TAPBP: variants seen among roughly 807,000 people sequenced by gnomAD.
TAPBP encodes TAP binding protein, also known as tapasin.
In TAPBP, 38 loss-of-function variants were observed where a neutral mutation model predicts 45.7. The observed-to-expected ratio is 0.83, with a 90% CI of 0.64 to 1.09. TAPBP has a LOEUF of 1.09. Among genes scored for constraint, TAPBP ranks in the 50% least tolerant of loss-of-function variants. TAPBP has a pLI of 0.00. For missense variants in TAPBP, 513 were observed against 587.3 expected, an observed-to-expected ratio of 0.87 and a Z score of 1.31; for synonymous variants, 226 against 254.8, an observed-to-expected ratio of 0.89 and a Z score of 1.08.
In TAPBP at chr6:33,313,695, G is replaced by T. The variant is rs1312830938; in HGVS notation, c.207C>A (p.His69Gln). The T allele has an allele frequency of 1.2e-6, 2 of 1,612,188 alleles. No homozygotes were observed. The highest frequency in any genetic ancestry group is 1.3e-5 in the African/African-American group (1 of 74,906). ...GGCGGCGAGTCCCTAGAGACTCACCGTGTACACTGAGATAGAGCTCAGGGT... is the reference window on the plus strand; with the variant it reads ...GGCGGCGAGTCCCTAGAGACTCACCTTGTACACTGAGATAGAGCTCAGGGT... ...DLDPELYLSV[H>Q]DPAGALQAAF... Residue 69 changes from histidine to glutamine, a missense_variant and splice_region_variant, in exon 2 of 8, where the codon CAC becomes CAA. Transcript: ENST00000434618. This position sits in a 1 kb window ranked among gnomAD's most constrained non-coding sequence, Gnocchi z 7.2.
chr6:33,308,593 C>T (rs986789632), intron 3 of TAPBP, among the ~76,000 whole-genome samples: 1 of 152,172 alleles, frequency 6.6e-6, no homozygotes, highest in Non-Finnish European at 1.5e-5. Flanking sequence ...CTTCAGTTTA[C>T]ATTGTCTTTC....
rs889944229 is a variant in TAPBP, at chr6:33,301,608, T to A, written c.*152A>T. On this transcript the variant is annotated 3_prime_UTR_variant, in exon 8 of 8. Coordinates refer to ENST00000434618, the MANE Select transcript of TAPBP (RefSeq NM_003190.5). ...AAAAAAAGAAAAATTATCCCTTATA[T>A]AAGTGAAAGAAAAAAAAAAAAGCAT... 19 of 662,332 alleles carry A rather than the reference T, an allele frequency of 2.9e-5. No homozygotes were observed. Among genetic ancestry groups the A allele is most frequent in the African/African-American group, 1.9e-5 (1 of 51,346 alleles). 41.0% of individuals were successfully genotyped at this position (662,332 alleles called of 1,614,324 possible). A position where few individuals can be genotyped will look rare whatever the true frequency, so the allele number is the denominator to read the frequency against.
chr6:33,313,738 G>A lies in TAPBP; in HGVS notation c.164C>T (p.Pro55Leu). ...CTCAGGGTCGAGGTCCGGCCGGGGC[G>A]GCGGTTCCCCCGGTCCCTGGCGCAA... is the stretch of plus-strand genomic sequence containing the variant. The part of the protein sequence containing the change: ...LLLRQGPGEP[P>L]PRPDLDPELY... Residue 55 changes from proline to leucine, a missense_variant, in exon 2 of 8, where the codon CCG (proline) becomes CTG (leucine). Coordinates refer to ENST00000434618, the MANE Select transcript of TAPBP (RefSeq NM_003190.5). The surrounding 1 kb of genome is among the most constrained non-coding windows in gnomAD (Gnocchi z 7.2). 6.2e-7 allele frequency: 1 copy of A among 1,613,592 alleles called. No individual in the cohort carries two copies. The highest frequency in any genetic ancestry group is 8.5e-7 in the Non-Finnish European group (1 of 1,179,992).
intron 5 of TAPBP, 30 bp downstream of exon 5, chr6:33,304,267 C>T (rs1768787800): frequency 3.1e-6 from 5 of 1,605,952 alleles, no homozygotes; most frequent in Non-Finnish European, 4.3e-6. Context: ...TGGGTGCTGG[C>T]TCAGATTCCG....
chr6:33,302,488 C>A (rs1768658854), intron 7 of TAPBP, among the ~76,000 whole-genome samples: 1 of 151,518 alleles, frequency 6.6e-6, no homozygotes, highest in African/African-American at 2.4e-5. Context: ...CCATGCCCGG[C>A]TAATTTTTCT....
intron 3 of TAPBP, among the ~76,000 whole-genome samples, chr6:33,306,810 C>T (rs982927586): frequency 2.0e-5 from 3 of 152,062 alleles, no homozygotes; most frequent in African/African-American, 7.2e-5. Flanking sequence ...GAAACCCCGT[C>T]TCTACTAAAA....
chr6:33,302,965 A>G (rs1209127153), intron 7 of TAPBP, among the ~76,000 whole-genome samples: 1 of 152,152 alleles, frequency 6.6e-6, no homozygotes, highest in Non-Finnish European at 1.5e-5. Flanking sequence ...TATTGTTTAC[A>G]TGTTGCAATA....
Position 33,313,335 on chromosome 6 carries a change from C to A in TAPBP, c.351G>T (p.Arg117=). ...CCATCAGCCAAGCCCCATCCAGGGC[C>A]CGCGGGCAGTTCTGCGCGGGGGTCA... ...SGLTPAQNCP[R]ALDGAWLMVS... Residue 117 remains arginine, a synonymous_variant, in exon 3 of 8, where the codon CGG becomes CGT. Coordinates refer to ENST00000434618, the MANE Select transcript of TAPBP (RefSeq NM_003190.5). The surrounding 1 kb of genome is among the most constrained non-coding windows in gnomAD (Gnocchi z 7.2). The A allele has an allele frequency of 6.2e-7, 1 of 1,613,478 alleles. No homozygotes were observed. Among genetic ancestry groups the A allele is most frequent in the Non-Finnish European group, 8.5e-7 (1 of 1,179,954 alleles).
intron 3 of TAPBP, among the ~76,000 whole-genome samples, chr6:33,310,683 G>A (rs911686012): frequency 2.3e-4 from 35 of 151,904 alleles, no homozygotes; most frequent in Admixed American, 2.3e-3. Context: ...GCTGGGCATG[G>A]TGGCACATGC....
rs1216028007 is a variant in TAPBP, at chr6:33,313,767, C to T, written c.135G>A (p.Leu45=). The T allele has an allele frequency of 1.8e-5, 29 of 1,613,638 alleles. No homozygotes were observed. The highest frequency in any genetic ancestry group is 2.4e-5 in the Non-Finnish European group (28 of 1,180,034). ...GKGLAKRPGA[L]LLRQGPGEPP... ...GTTCCCCCGGTCCCTGGCGCAACAG[C>T]AGTGCACCGGGTCTCTTGGCCAGGC... Residue 45 remains leucine (L), a synonymous_variant, in exon 2 of 8, where the codon CTG becomes CTA. Coordinates refer to ENST00000434618, the MANE Select transcript of TAPBP (RefSeq NM_003190.5). This position sits in a 1 kb window ranked among gnomAD's most constrained non-coding sequence, Gnocchi z 7.2.
At chr6:33,303,422 A>G (rs1316285552) in intron 7 of TAPBP, among the ~76,000 whole-genome samples, 1 of 152,266 alleles carries the variant, frequency 6.6e-6, no homozygotes. Context: ...CTCAAAAAAA[A>G]AGAGAAGGAA....
intron 3 of TAPBP, among the ~76,000 whole-genome samples, chr6:33,312,038 T>A (rs907031858): frequency 2.6e-5 from 4 of 152,214 alleles, no homozygotes; most frequent in Admixed American, 2.0e-4. Context: ...TGCCATCTCT[T>A]GATAGTCACA....
intron 3 of TAPBP, among the ~76,000 whole-genome samples, chr6:33,308,608 T>A (rs765951965): frequency 2.0e-5 from 3 of 152,102 alleles, no homozygotes; most frequent in Non-Finnish European, 2.9e-5. Flanking sequence ...TCTTTCCCAT[T>A]TTCTCCCAAA....
chr6:33,313,282 A>G lies in TAPBP; in HGVS notation c.404T>C (p.Leu135Pro). ...TGGCTGTGGTCGCAAGAGGCTGGAGAGGCTGAGGACTGGGCTGGATATGCT... is the reference window on the plus strand; with the variant it reads ...TGGCTGTGGTCGCAAGAGGCTGGAGGGGCTGAGGACTGGGCTGGATATGCT... ...MVSISSPVLSLSSLLRPQPEP... is the reference protein window; with the variant it reads ...MVSISSPVLSPSSLLRPQPEP... Residue 135 changes from leucine to proline, a missense_variant, in exon 3 of 8, where the codon CTC becomes CCC. Coordinates refer to ENST00000434618, the MANE Select transcript of TAPBP (RefSeq NM_003190.5). The surrounding 1 kb of genome is among the most constrained non-coding windows in gnomAD (Gnocchi z 7.2). 6.2e-7 allele frequency: 1 copy of G among 1,613,874 alleles called. No individual in the cohort carries two copies. Among genetic ancestry groups the G allele is most frequent in the Non-Finnish European group, 8.5e-7 (1 of 1,179,916 alleles).
At chr6:33,309,756 C>T (rs1342762189) in intron 3 of TAPBP, among the ~76,000 whole-genome samples, 3 of 135,948 alleles carry the variant, frequency 2.2e-5, no homozygotes, top group East Asian at 4.4e-4. Flanking sequence ...GACAGTTTCA[C>T]GCTTGTTGCC....
chr6:33,304,642 G>A lies in TAPBP; in HGVS notation c.869-4C>T. The A allele has an allele frequency of 6.4e-7, 1 of 1,559,512 alleles. No individual in the cohort carries two copies. Among genetic ancestry groups the A allele is most frequent in the Non-Finnish European group, 8.6e-7 (1 of 1,157,818 alleles). On this transcript the variant is annotated splice_polypyrimidine_tract_variant and splice_region_variant and intron_variant, in intron 4 of 7. Transcript: ENST00000434618. ...ATCAGGGACACTTTGGGGGGTTCTG[G>A]GGAAAGAGGACGAAATGAGCATAGG...
In TAPBP at chr6:33,305,345, C is replaced by G. The variant is rs749217705; in HGVS notation, c.512G>C (p.Arg171Thr). ...GTCCAGCAGAGCATCTTGTCCCAGT[C>G]TCACTCGAGGGGCAGGGGTGTGGGT... is the stretch of plus-strand genomic sequence containing the variant. ...VLTHTPAPRV[R>T]LGQDALLDLS... Residue 171 changes from arginine (R) to threonine (T), a missense_variant, in exon 4 of 8, where the codon AGA (arginine) becomes ACA (threonine). Arg to Thr is a moderately conservative substitution (Grantham distance 71). Transcript: ENST00000434618. This position sits in a 1 kb window ranked among gnomAD's most constrained non-coding sequence, Gnocchi z 4.4. The G allele has an allele frequency of 1.9e-6, 3 of 1,543,216 alleles. No individual in the cohort carries two copies. Among genetic ancestry groups the G allele is most frequent in the South Asian group, 1.3e-5 (1 of 78,490 alleles).
At chr6:33,307,117 G>A (rs6906141) in intron 3 of TAPBP, among the ~76,000 whole-genome samples, 5,530 of 152,074 alleles carry the variant, frequency 0.036, 295 homozygotes, top group African/African-American at 0.12. Context: ...GCAAAACCCT[G>A]TCTCTACTAA....
chr6:33,304,026 G>A (rs770319484), intron 6 of TAPBP, 37 bp from the exon 7 acceptor site: 2 of 1,613,560 alleles, frequency 1.2e-6, no homozygotes, highest in Non-Finnish European at 8.5e-7. Context: ...GGATGCTGGA[G>A]TGGTAGAGGT....
Sources: gnomAD v4.1 joint callset for allele counts (sites outside exome capture counted in the v4.1 genomes callset) on GRCh38, gnomAD v4.1.1 for gene constraint, Gnocchi (gnomAD v3.1) non-coding constraint, MANE v1.5 for transcripts, NCBI Gene and HGNC (gene_info 2026-07-23, HGNC 2026-07-21) for gene names.